SYNDIG1L: variants seen among roughly 807,000 people sequenced by gnomAD.
The protein encoded by SYNDIG1L is synapse differentiation-inducing gene protein 1-like.
Under a neutral mutation model 20.1 loss-of-function variants are expected in SYNDIG1L, and 13 were observed. The observed-to-expected ratio is 0.65, with a 90% confidence interval of 0.42 to 1.03. The LOEUF is 1.03. SYNDIG1L is among the 50% of genes least tolerant of loss of function. The probability of loss-of-function intolerance (pLI) is 0.00; values close to 1 mark genes in which losing one functional copy is unlikely to be tolerated. For synonymous variants in SYNDIG1L, 128 were observed against 129.3 expected (o/e 0.99, Z 0.07); for missense variants, 294 against 305.1 (o/e 0.96, Z 0.27).
chr14:74,424,728 C>A (rs995144606), intron 1 of SYNDIG1L, among the ~76,000 whole-genome samples: 5 of 152,086 alleles, frequency 3.3e-5, no homozygotes, highest in African/African-American at 4.8e-5. Flanking sequence ...ATAATCAGGT[C>A]ACTGACAGCA....
chr14:74,408,749 T>C (rs2086106057), intron 2 of SYNDIG1L, among the ~76,000 whole-genome samples: 1 of 152,142 alleles, frequency 6.6e-6, no homozygotes, highest in Non-Finnish European at 1.5e-5. Context: ...ATTATAAAAC[T>C]ATGTACAGCA....
intron 1 of SYNDIG1L, among the ~76,000 whole-genome samples, chr14:74,421,269 G>T (rs991907526): frequency 8.6e-5 from 13 of 151,984 alleles, no homozygotes; most frequent in African/African-American, 3.1e-4. Flanking sequence ...TGAAAAGACT[G>T]GATAATAGAC....
upstream of SYNDIG1L, among the ~76,000 whole-genome samples, chr14:74,427,118 CT>C (rs34437070): frequency 6.6e-3 from 765 of 116,758 alleles, 3 homozygotes; most frequent in African/African-American, 0.022. Flanking sequence ...CCTGCGTTTC[CT>C]TTTTTTTTTT....
chr14:74,451,414 G>A, the SYNDIG1L span, among the ~76,000 whole-genome samples: 2 of 152,326 alleles, frequency 1.3e-5, no homozygotes, highest in South Asian at 2.1e-4. Flanking sequence ...TTTATATAAA[G>A]ATTGATTCAA....
chr14:74,422,731 T>A lies in SYNDIG1L; in HGVS notation c.-58+3181A>T, dbSNP rs530854579. Among the ~76,000 whole-genome samples the A allele has an allele frequency of 1.7e-3, 262 of 150,846 alleles. 1 individual carries two copies. Among genetic ancestry groups the A allele is most frequent in the African/African-American group, 6.2e-3 (256 of 41,016 alleles). ...TTTCCTTTCTCTCTTTTTTTTTTTT[T>A]AAGACAGGGTCTCCCTCTATCACCC... On this transcript the variant is annotated intron_variant, in intron 1 of 3. Transcript: ENST00000331628.
upstream of SYNDIG1L, among the ~76,000 whole-genome samples, chr14:74,428,897 C>G (rs560393452): frequency 1.2e-4 from 19 of 152,106 alleles, 1 homozygote; most frequent in Admixed American, 7.9e-4. Flanking sequence ...GGAGCAAGTC[C>G]AGAAGGGTAA....
the SYNDIG1L span, among the ~76,000 whole-genome samples, chr14:74,467,776 A>G: frequency 6.6e-6 from 1 of 152,182 alleles, no homozygotes; most frequent in Non-Finnish European, 1.5e-5. Context: ...ACCCCCAGCC[A>G]GGCCCAGGGG....
At chr14:74,410,567 C>T (rs909659918) in intron 1 of SYNDIG1L, among the ~76,000 whole-genome samples, 35 of 152,082 alleles carry the variant, frequency 2.3e-4, no homozygotes, top group African/African-American at 7.7e-4. Context: ...ATTAGGGGGC[C>T]TTTGCTATGG....
the SYNDIG1L span, among the ~76,000 whole-genome samples, chr14:74,438,740 T>C: frequency 3.3e-5 from 5 of 152,194 alleles, no homozygotes; most frequent in Non-Finnish European, 7.3e-5. Flanking sequence ...GAATGTTCTG[T>C]TATCAGTGCC....
the SYNDIG1L span, among the ~76,000 whole-genome samples, chr14:74,471,287 G>A: frequency 6.6e-6 from 1 of 152,064 alleles, no homozygotes; most frequent in Non-Finnish European, 1.5e-5. Flanking sequence ...GGCCGGCAGA[G>A]GAATCTTGAT....
chr14:74,455,213 A>T, the SYNDIG1L span, among the ~76,000 whole-genome samples: 1 of 152,036 alleles, frequency 6.6e-6, no homozygotes, highest in African/African-American at 2.4e-5. Context: ...TTCCATTCTC[A>T]TTACTACTTG....
chr14:74,469,019 T>TG, the SYNDIG1L span, among the ~76,000 whole-genome samples: 1 of 151,998 alleles, frequency 6.6e-6, no homozygotes, highest in Non-Finnish European at 1.5e-5. Flanking sequence ...TCAAGGCCCT[T>TG]GGGGGTCATC....
the SYNDIG1L span, among the ~76,000 whole-genome samples, chr14:74,452,577 A>G: frequency 1.3e-5 from 2 of 151,842 alleles, no homozygotes; most frequent in Non-Finnish European, 2.9e-5. Context: ...AGTCCATTAA[A>G]CCTCTTTCTT....
chr14:74,468,813 C>G, the SYNDIG1L span, among the ~76,000 whole-genome samples: 3 of 152,210 alleles, frequency 2.0e-5, no homozygotes, highest in African/African-American at 7.2e-5. Context: ...ATCACCTCAC[C>G]CACCACCCTC....
the SYNDIG1L span, among the ~76,000 whole-genome samples, chr14:74,460,515 C>T: frequency 6.6e-6 from 1 of 152,238 alleles, no homozygotes; most frequent in Non-Finnish European, 1.5e-5. Context: ...ACTTCGTGCT[C>T]TCCCCAGCCT....
chr14:74,434,988 C>A, the SYNDIG1L span, among the ~76,000 whole-genome samples: 11 of 139,474 alleles, frequency 7.9e-5, no homozygotes, highest in African/African-American at 1.9e-4. Context: ...GAGGCGGAGG[C>A]AGGAGAATGG....
chr14:74,437,819 A>G, the SYNDIG1L span, among the ~76,000 whole-genome samples: 2 of 152,184 alleles, frequency 1.3e-5, no homozygotes, highest in African/African-American at 4.8e-5. Flanking sequence ...ATGTCAGCAA[A>G]TTTGTTTGGC....
chr14:74,462,408 C>T, the SYNDIG1L span, among the ~76,000 whole-genome samples: 10 of 149,050 alleles, frequency 6.7e-5, no homozygotes, highest in South Asian at 2.1e-3. Flanking sequence ...CACCTGAATC[C>T]GGGAGGTGGA....
chr14:74,477,480 T>C, the SYNDIG1L span, among the ~76,000 whole-genome samples: 1 of 151,752 alleles, frequency 6.6e-6, no homozygotes, highest in African/African-American at 2.4e-5. Context: ...TTCCAAAGCA[T>C]AATCAAGATC....
Sources: allele counts gnomAD v4.1 joint callset (sites outside exome capture counted in the v4.1 genomes callset), GRCh38; gene constraint gnomAD v4.1.1; transcripts MANE v1.5; gene names NCBI Gene and HGNC (gene_info 2026-07-23, HGNC 2026-07-21).